Variants in ADAMTS3 observed in about 807,000 individuals in gnomAD.
ADAMTS3 encodes A disintegrin and metalloproteinase with thrombospondin motifs 3.
ADAMTS3 carries 73 observed loss-of-function variants against 129.0 expected under a neutral mutation model. That is an observed-to-expected ratio of 0.57 (90% CI 0.47 to 0.69). The LOEUF is 0.69. ADAMTS3 is among the 30% of genes least tolerant of loss of function. The pLI, the probability that ADAMTS3 is intolerant of heterozygous loss-of-function variation, is 0.00. For missense variants in ADAMTS3, 1,457 were observed against 1,514.5 expected (o/e 0.96, Z 0.63); for synonymous variants, 477 against 510.8 (o/e 0.93, Z 0.89).
chr4:72,295,656 T>C lies in ADAMTS3; in HGVS notation c.2721A>G (p.Pro907=). 6.2e-7 allele frequency: 1 copy of C among 1,608,908 alleles called. No individual in the cohort carries two copies. The change falls in exon 19 of 22, where the codon CCA becomes CCG. Residue 907 remains proline, a splice_region_variant and synonymous_variant. Transcript: ENST00000286657. ...TGATAGTTAAAATAGATGCTTACAG[T>C]GGATGTGTACACTCTTGAATATTGC... ...RMCNIQECTH[P]LWVAEEWEHC...
intron 4 of ADAMTS3, among the ~76,000 whole-genome samples, chr4:72,404,840 AC>A (rs1722011672): frequency 4.6e-5 from 7 of 151,592 alleles, no homozygotes; most frequent in Admixed American, 1.3e-4. Context: ...ACACACACAC[AC>A]ACACACACAC....
At chr4:72,315,755 C>T in intron 11 of ADAMTS3, 103 bp downstream of exon 11, 1 of 710,182 alleles carries the variant, frequency 1.4e-6, no homozygotes, top group African/African-American at 1.8e-5. Context: ...CTATGGTTTT[C>T]ATAAAAATGA....
rs1159262335 is a variant in ADAMTS3, at chr4:72,549,971, G to A, written c.98-1087C>T. Among the ~76,000 whole-genome samples the A allele has an allele frequency of 4.8e-4, 13 of 26,964 alleles. 1 individual carries two copies. The highest frequency in any genetic ancestry group is 2.7e-3 in the East Asian group (3 of 1,100). The allele number at this position is 26,964 out of a possible 152,430, so 17.7% of individuals were successfully genotyped here. ...AGGGTAAAAAAAAAAAAAAGAAGAA[G>A]AAGAAGAAGAAGAAGAAGAAGAGGA... is the stretch of plus-strand genomic sequence containing the variant. On this transcript the variant is annotated intron_variant, in intron 2 of 21. Coordinates refer to ENST00000286657, the MANE Select transcript of ADAMTS3 (RefSeq NM_014243.3).
intron 3 of ADAMTS3, among the ~76,000 whole-genome samples, chr4:72,499,857 A>G (rs1560539444): frequency 6.6e-6 from 1 of 152,100 alleles, no homozygotes; most frequent in African/African-American, 2.4e-5. Flanking sequence ...GGTCACCCTT[A>G]TAAGTAAGAA....
At chr4:72,472,427 T>A (rs1053034820) in intron 3 of ADAMTS3, among the ~76,000 whole-genome samples, 15 of 152,114 alleles carry the variant, frequency 9.9e-5, no homozygotes, top group African/African-American at 3.6e-4. Context: ...TAAAGACACA[T>A]AAACAGTGCT....
chr4:72,286,815 G>T (rs937169475), intron 21 of ADAMTS3, among the ~76,000 whole-genome samples: 1 of 152,082 alleles, frequency 6.6e-6, no homozygotes, highest in African/African-American at 2.4e-5. Context: ...ACAAACAGAT[G>T]GGGGTGGCGA....
intron 4 of ADAMTS3, among the ~76,000 whole-genome samples, chr4:72,393,384 G>A (rs1391401802): frequency 6.6e-6 from 1 of 152,116 alleles, no homozygotes. Flanking sequence ...ACTTCTCTCA[G>A]ACTAACACAT....
At chr4:72,369,477 G>A (rs1467975810) in intron 4 of ADAMTS3, among the ~76,000 whole-genome samples, 3 of 152,098 alleles carry the variant, frequency 2.0e-5, no homozygotes, top group African/African-American at 7.2e-5. Context: ...TTGAGAGGCC[G>A]AGGTGGGCAG....
rs761809705 is a variant in ADAMTS3, at chr4:72,389,779, A to G, written c.661+25036T>C. On this transcript the variant is annotated intron_variant, in intron 4 of 21. Coordinates refer to ENST00000286657, the MANE Select transcript of ADAMTS3 (RefSeq NM_014243.3). ...ACAGAGGAAATCTGGGTTTATACCA[A>G]TATTTAATAGCCATCAACCAGTCAA... Among the ~76,000 whole-genome samples the G allele has an allele frequency of 6.0e-4, 91 of 152,354 alleles. 1 individual carries two copies. The highest frequency in any genetic ancestry group is 7.9e-4 in the Non-Finnish European group (54 of 68,036).
At chr4:72,340,274 C>T (rs1720100384) in intron 4 of ADAMTS3, among the ~76,000 whole-genome samples, 1 of 151,360 alleles carries the variant, frequency 6.6e-6, no homozygotes, top group South Asian at 2.1e-4. Flanking sequence ...GTGAATGCTG[C>T]CAGCGAAGAA....
At chr4:72,446,176 A>G (rs1268862484) in intron 3 of ADAMTS3, among the ~76,000 whole-genome samples, 7 of 151,716 alleles carry the variant, frequency 4.6e-5, no homozygotes, top group Admixed American at 2.6e-4. Flanking sequence ...AGCTAACTGT[A>G]GCAGTTCTAT....
At chr4:72,458,425 T>C (rs150965560) in intron 3 of ADAMTS3, among the ~76,000 whole-genome samples, 36 of 151,472 alleles carry the variant, frequency 2.4e-4, no homozygotes, top group Non-Finnish European at 4.6e-4. Context: ...GAGTTAGACA[T>C]AGGAAATTGA....
intron 4 of ADAMTS3, among the ~76,000 whole-genome samples, chr4:72,397,184 A>G (rs1199451045): frequency 6.6e-6 from 1 of 152,198 alleles, no homozygotes; most frequent in Non-Finnish European, 1.5e-5. Context: ...ATTATAGTAC[A>G]TAACTTCTGT....
intron 4 of ADAMTS3, among the ~76,000 whole-genome samples, chr4:72,407,266 A>G (rs988375939): frequency 3.3e-5 from 5 of 152,102 alleles, no homozygotes; most frequent in African/African-American, 4.8e-5. Flanking sequence ...AGGTATGATG[A>G]AATTAAAAAA....
intron 2 of ADAMTS3, among the ~76,000 whole-genome samples, chr4:72,550,111 A>G (rs34377393): frequency 0.26 from 24,565 of 96,124 alleles, 6,948 homozygotes; most frequent in South Asian, 0.5. Flanking sequence ...AAGAAGAAGA[A>G]GAAGAAGGCA....
intron 3 of ADAMTS3, among the ~76,000 whole-genome samples, chr4:72,521,297 C>A (rs1203484891): frequency 6.6e-6 from 1 of 152,150 alleles, no homozygotes; most frequent in Admixed American, 6.5e-5. Flanking sequence ...CGTGCTAGGT[C>A]AATATTTACA....
chr4:72,561,661 T>C (rs1002104744), intron 2 of ADAMTS3, among the ~76,000 whole-genome samples: 1 of 152,204 alleles, frequency 6.6e-6, no homozygotes, highest in African/African-American at 2.4e-5. Flanking sequence ...TAAGAAAAAT[T>C]GTTGGAAATG....
In ADAMTS3 at chr4:72,433,574, A is replaced by AT. The variant is rs575898104; in HGVS notation, c.505-18604dup. 1.6e-3 allele frequency among the ~76,000 whole-genome samples: 244 copies of AT among 151,936 alleles called. 1 individual carries two copies. The highest frequency in any genetic ancestry group is 5.6e-3 in the African/African-American group (231 of 41,504). ...CACAGATTTTCTTTAATTCTCCTAA[A>AT]TTTTTTCCCCACACCTTTGCTGTAT... On this transcript the variant is annotated intron_variant, in intron 3 of 21. Transcript: ENST00000286657.
In ADAMTS3 at chr4:72,311,096, G is replaced by A. The variant is rs1342234072; in HGVS notation, c.2007C>T (p.His669=). The A allele has an allele frequency of 1.9e-6, 3 of 1,612,742 alleles. No homozygotes were observed. Among genetic ancestry groups the A allele is most frequent in the South Asian group, 1.1e-5 (1 of 90,990 alleles). Residue 669 remains histidine (H), a synonymous_variant, in exon 14 of 22, where the codon CAC becomes CAT. Coordinates refer to ENST00000286657, the MANE Select transcript of ADAMTS3 (RefSeq NM_014243.3). Reference sequence around the variant, plus strand: ...TGCTATATGGATCTTTGTAAGAACAGTGCGTTCCATCATGCACCAGTTGTT... The same window carrying A: ...TGCTATATGGATCTTTGTAAGAACAATGCGTTCCATCATGCACCAGTTGTT... ...YMKQLVHDGT[H]CSYKDPYSIC... is the part of the protein sequence containing the mutation.
Sources: allele counts gnomAD v4.1 joint callset (sites outside exome capture counted in the v4.1 genomes callset), GRCh38; gene constraint gnomAD v4.1.1; transcripts MANE v1.5; gene names NCBI Gene and HGNC (gene_info 2026-07-23, HGNC 2026-07-21).